Variants in ASAP2 observed in about 807,000 individuals in gnomAD.
ASAP2 encodes the protein arf-GAP with SH3 domain, ANK repeat and PH domain-containing protein 2.
Under a neutral mutation model 131.4 loss-of-function variants are expected in ASAP2, and 45 were observed. That is an observed-to-expected ratio of 0.34 (90% CI 0.27 to 0.44). The LOEUF is 0.44. Among genes scored for constraint, ASAP2 ranks in the 20% least tolerant of loss-of-function variants. The pLI is 1.00. For synonymous variants in ASAP2, 510 were observed against 503.0 expected (o/e 1.01, Z -0.19); for missense variants, 1,011 against 1,297.0 (o/e 0.78, Z 3.39).
chr2:9,381,051 G>T (rs773528387), intron 20 of ASAP2, among the ~76,000 whole-genome samples: 1 of 152,238 alleles, frequency 6.6e-6, no homozygotes, highest in Non-Finnish European at 1.5e-5. Flanking sequence ...CTGGTTGGCC[G>T]TGTTGGTAAC....
chr2:9,283,802 A>G (rs11689743), intron 2 of ASAP2, among the ~76,000 whole-genome samples: 31,705 of 152,164 alleles, frequency 0.21, 3,625 homozygotes, highest in Non-Finnish European at 0.27. Flanking sequence ...GTACCCTCAC[A>G]TGGCAGCGAG....
At position 9,247,208 on chromosome 2, in the gene ASAP2, C is replaced by T. The variant is rs149120238; in HGVS notation, c.127-32109C>T. Among the ~76,000 whole-genome samples the T allele has an allele frequency of 1.1e-4, 16 of 152,254 alleles. No homozygotes were observed. The East Asian group carries it at 1.7e-3, about 17-fold the overall frequency. ...CAGTCTGTCTGCTCGTGAGTTTTGA[C>T]GGCACAAGCTGCATGGATCTGGTAT... On this transcript the variant is annotated intron_variant, in intron 1 of 27. Coordinates refer to ENST00000281419, the MANE Select transcript of ASAP2 (RefSeq NM_003887.3).
chr2:9,256,418 A>T (rs1398849270), intron 1 of ASAP2, among the ~76,000 whole-genome samples: 1 of 33,470 alleles, frequency 3.0e-5, no homozygotes, highest in South Asian at 6.4e-4. Context: ...ATGCTGTGCC[A>T]ATGATGATGC....
chr2:9,207,767 C>CA lies in ASAP2; in HGVS notation c.126+538dup, dbSNP rs994937704. 3.9e-5 allele frequency among the ~76,000 whole-genome samples: 6 copies of CA among 152,130 alleles called. No homozygotes were observed. The highest frequency in any genetic ancestry group is 1.4e-4 in the African/African-American group (6 of 41,446). On this transcript the variant is annotated intron_variant, in intron 1 of 27. Coordinates refer to ENST00000281419, the MANE Select transcript of ASAP2 (RefSeq NM_003887.3). The surrounding 1 kb of genome is among the most constrained non-coding windows in gnomAD (Gnocchi z 4.1). ...CAGCCAGGGCGGCCTGGCTGCGCTC[C>CA]ACCCGTGCCCGGAGAAGGAACTGCG...
intron 20 of ASAP2, among the ~76,000 whole-genome samples, chr2:9,383,321 C>T (rs773064233): frequency 6.6e-5 from 10 of 152,052 alleles, no homozygotes; most frequent in South Asian, 6.2e-4. Context: ...AGTGCAATGG[C>T]GTGCTTGTGG....
At chr2:9,310,959 T>C (rs1420683297) in intron 3 of ASAP2, among the ~76,000 whole-genome samples, 12 of 152,178 alleles carry the variant, frequency 7.9e-5, no homozygotes, top group Admixed American at 7.9e-4. Context: ...CCTGCCCCAC[T>C]GACTGAATCA....
chr2:9,275,706 C>T (rs1047397994), intron 1 of ASAP2, among the ~76,000 whole-genome samples: 2 of 152,170 alleles, frequency 1.3e-5, no homozygotes, highest in African/African-American at 2.4e-5. Context: ...GGCACTTGAG[C>T]CCCTGCATTT....
chr2:9,400,617 C>T, intron 25 of ASAP2, 125 bp from the exon 26 acceptor site: 1 of 833,318 alleles, frequency 1.2e-6, no homozygotes. Flanking sequence ...GGTTCCCTTT[C>T]CCCTCAACAG....
rs923196636 is a variant in ASAP2, at chr2:9,355,938, G to A, written c.1112-109G>A. On this transcript the variant is annotated intron_variant, in intron 12 of 27. Coordinates refer to ENST00000281419, the MANE Select transcript of ASAP2 (RefSeq NM_003887.3). The stretch of plus-strand genomic sequence containing the variant: ...TGATTTTATACAAATCAGTAATTTC[G>A]TAACAGAGAGCTAAGATTATTCCAG... 3.4e-5 allele frequency: 46 copies of A among 1,348,234 alleles called. 1 individual carries two copies. The highest frequency in any genetic ancestry group is 3.2e-4 in the South Asian group (26 of 81,932). The allele number at this position is 1,348,234 out of a possible 1,614,324, so 83.5% of individuals were successfully genotyped here.
chr2:9,248,283 A>G (rs1425593180), intron 1 of ASAP2, among the ~76,000 whole-genome samples: 1 of 152,170 alleles, frequency 6.6e-6, no homozygotes, highest in South Asian at 2.1e-4. Flanking sequence ...AAGCCAAATT[A>G]TATTCAGCAT....
chr2:9,360,401 C>T (rs1261895864), intron 15 of ASAP2, among the ~76,000 whole-genome samples: 1 of 152,134 alleles, frequency 6.6e-6, no homozygotes, highest in Non-Finnish European at 1.5e-5. Flanking sequence ...GTGTGGGCCT[C>T]TTTAATCTGA....
chr2:9,288,674 A>C (rs900211782), intron 2 of ASAP2, among the ~76,000 whole-genome samples: 2 of 152,158 alleles, frequency 1.3e-5, no homozygotes, highest in African/African-American at 4.8e-5. Context: ...AATTTCTAAT[A>C]GCTTGTACTC....
chr2:9,391,378 A>C (rs1214177880), intron 23 of ASAP2, among the ~76,000 whole-genome samples, 182 bp downstream of exon 23: 2 of 151,974 alleles, frequency 1.3e-5, no homozygotes, highest in East Asian at 3.9e-4. Context: ...CACAGCTGCA[A>C]ACCCCTGCCT....
chr2:9,258,815 C>T (rs946497995), intron 1 of ASAP2, among the ~76,000 whole-genome samples: 1 of 152,198 alleles, frequency 6.6e-6, no homozygotes, highest in Non-Finnish European at 1.5e-5. Flanking sequence ...TTATTTCTCT[C>T]GCTCTCTCTC....
chr2:9,317,056 TCCACACAA>T (rs1669736644), intron 3 of ASAP2, among the ~76,000 whole-genome samples: 1 of 139,632 alleles, frequency 7.2e-6, no homozygotes, highest in African/African-American at 2.7e-5. Flanking sequence ...ACATCCACAC[TCCACACAA>T]CCACACAAAA....
At position 9,308,605 on chromosome 2, in the gene ASAP2, C is replaced by A. The variant is rs530161512; in HGVS notation, c.346-9919C>A. On this transcript the variant is annotated intron_variant, in intron 3 of 27. Coordinates refer to ENST00000281419, the MANE Select transcript of ASAP2 (RefSeq NM_003887.3). ...ATCTAGGATGGCAGCATGTGCCCAGCCTCAGCTTAGCTTAGCCTGGCCTGG... is the reference window on the plus strand; with the variant it reads ...ATCTAGGATGGCAGCATGTGCCCAGACTCAGCTTAGCTTAGCCTGGCCTGG... Among the ~76,000 whole-genome samples, 4 of 152,266 alleles carry A rather than the reference C, an allele frequency of 2.6e-5. No homozygotes were observed. The East Asian group carries it at 5.8e-4, about 22-fold the overall frequency.
chr2:9,208,328 C>T lies in ASAP2; in HGVS notation c.126+1098C>T, dbSNP rs1572159207. Among the ~76,000 whole-genome samples, 3 of 96,816 alleles carry T rather than the reference C, an allele frequency of 3.1e-5. No individual in the cohort carries two copies. In the Admixed American group the frequency reaches 5.2e-4, roughly 17 times the overall value. The allele number at this position is 96,816 out of a possible 152,430, so 63.5% of individuals were successfully genotyped here. On this transcript the variant is annotated intron_variant, in intron 1 of 27. Coordinates refer to ENST00000281419, the MANE Select transcript of ASAP2 (RefSeq NM_003887.3). ...GGTGTTTTAGCAGAAGACGCCTGGGCTAGCAGGAGTGTGTGTGTGGGTGGG... is the reference window on the plus strand; with the variant it reads ...GGTGTTTTAGCAGAAGACGCCTGGGTTAGCAGGAGTGTGTGTGTGGGTGGG...
rs141013484 is a variant in ASAP2 at position 9,403,224 on chromosome 2, A to G, written c.2947-29A>G. Reference sequence around the variant, plus strand: ...GTTTCCACCAACATTTGGAATTTTAATAACAACCTACACTTTTCTCCATTT... The same window carrying G: ...GTTTCCACCAACATTTGGAATTTTAGTAACAACCTACACTTTTCTCCATTT... On this transcript the variant is annotated intron_variant, in intron 27 of 27. Transcript: ENST00000281419. 1.8e-4 allele frequency: 286 copies of G among 1,607,632 alleles called. 3 individuals carry two copies. In the East Asian group the frequency reaches 4.8e-3, roughly 27 times the overall value.
chr2:9,280,750 C>G (rs538602213), intron 2 of ASAP2, among the ~76,000 whole-genome samples: 2 of 152,188 alleles, frequency 1.3e-5, no homozygotes, highest in Non-Finnish European at 2.9e-5. Flanking sequence ...GGTGGCCATC[C>G]GTCTCTAGCT....
Sources: allele counts gnomAD v4.1 joint callset (sites outside exome capture counted in the v4.1 genomes callset), GRCh38; gene constraint gnomAD v4.1.1; non-coding constraint Gnocchi (gnomAD v3.1); transcripts MANE v1.5; gene names NCBI Gene and HGNC (gene_info 2026-07-23, HGNC 2026-07-21).